PIAS1: variants seen among roughly 807,000 people sequenced by gnomAD.
PIAS1 encodes the protein E3 SUMO-protein ligase PIAS1.
Under a neutral mutation model 71.3 loss-of-function variants are expected in PIAS1, and 6 were observed. The ratio of observed to expected loss-of-function variants is 0.08; its 90% CI spans 0.05 to 0.17. The LOEUF (loss-of-function observed/expected upper bound fraction) is 0.17. PIAS1 is among the 10% of genes least tolerant of loss of function. PIAS1 has a pLI of 1.00. For missense variants in PIAS1, 555 were observed against 793.6 expected, an observed-to-expected ratio of 0.70 and a Z score of 3.61; for synonymous variants, 303 against 292.9, an observed-to-expected ratio of 1.03 and a Z score of -0.35.
rs1297553181 is a variant in PIAS1 at position 68,153,714 on chromosome 15, T to C, written c.934+19T>C. Reference sequence around the variant, plus strand: ...GCTTTAAGTACGTATGATAAACTTATTTCACTTATTCAGCTATTTTGTTAA... The same window carrying C: ...GCTTTAAGTACGTATGATAAACTTACTTCACTTATTCAGCTATTTTGTTAA... On this transcript the variant is annotated intron_variant, in intron 7 of 13. Transcript: ENST00000249636. The C allele has an allele frequency of 3.4e-6, 4 of 1,181,688 alleles. No homozygotes were observed. Among genetic ancestry groups the C allele is most frequent in the South Asian group, 1.3e-5 (1 of 79,974 alleles). The allele number at this position is 1,181,688 out of a possible 1,614,324, so 73.2% of individuals were successfully genotyped here. A position where few individuals can be genotyped will look rare whatever the true frequency, so the allele number is the denominator to read the frequency against.
rs185065654 is a variant in PIAS1, at chr15:68,116,935, G to A, written c.470-25011G>A. On this transcript the variant is annotated intron_variant, in intron 2 of 13. Coordinates refer to ENST00000249636, the MANE Select transcript of PIAS1 (RefSeq NM_016166.3). The stretch of plus-strand genomic sequence containing the variant: ...CATAAAAATTGTACATATTTATGGC[G>A]TACAATGTGATGTTTCAGTACATGT... 8.5e-5 allele frequency among the ~76,000 whole-genome samples: 13 copies of A among 152,164 alleles called. No individual in the cohort carries two copies. The East Asian group carries it at 9.6e-4, about 11-fold the overall frequency.
intron 4 of PIAS1, among the ~76,000 whole-genome samples, chr15:68,142,782 G>C (rs1381811876): frequency 6.6e-6 from 1 of 152,036 alleles, no homozygotes; most frequent in African/African-American, 2.4e-5. Flanking sequence ...CTCCATAAGA[G>C]GCAAAGTACT....
Position 68,054,402 on chromosome 15 carries a change from G to A in PIAS1, c.24+52G>A. 1.3e-6 allele frequency: 2 copies of A among 1,540,426 alleles called. No homozygotes were observed. Among genetic ancestry groups the A allele is most frequent in the South Asian group, 2.4e-5 (2 of 83,750 alleles). Reference sequence around the variant, plus strand: ...AATATTCGGCCGCGGAGACGGCGCCGCTGCTGCCAGGGGGGATGGGTCCGA... The same window carrying A: ...AATATTCGGCCGCGGAGACGGCGCCACTGCTGCCAGGGGGGATGGGTCCGA... On this transcript the variant is annotated intron_variant, in intron 1 of 13. Transcript: ENST00000249636. The surrounding 1 kb of genome is among the most constrained non-coding windows in gnomAD (Gnocchi z 4.6).
At chr15:68,062,477 T>A (rs2091970411) in intron 1 of PIAS1, among the ~76,000 whole-genome samples, 1 of 152,202 alleles carries the variant, frequency 6.6e-6, no homozygotes, top group Non-Finnish European at 1.5e-5. Context: ...TCTAGAATAT[T>A]TTTTCACCTC....
intron 2 of PIAS1, among the ~76,000 whole-genome samples, chr15:68,096,682 A>C (rs1350089068): frequency 1.3e-5 from 2 of 152,086 alleles, no homozygotes; most frequent in East Asian, 3.9e-4. Context: ...GATGCTACTG[A>C]AAATTGAATT....
In PIAS1 at chr15:68,168,170, G is replaced by A. The variant is rs1394502100; in HGVS notation, c.1008+3366G>A. 3.3e-5 allele frequency among the ~76,000 whole-genome samples: 5 copies of A among 151,682 alleles called. No homozygotes were observed. In the East Asian group the frequency reaches 5.8e-4, roughly 18 times the overall value. On this transcript the variant is annotated intron_variant, in intron 8 of 13. Coordinates refer to ENST00000249636, the MANE Select transcript of PIAS1 (RefSeq NM_016166.3). Reference sequence around the variant, plus strand: ...ATTACAGGCGCCTGTCACCACGCCCGGCTAATTTTTGTATTTTCAGTGGAG... The same window carrying A: ...ATTACAGGCGCCTGTCACCACGCCCAGCTAATTTTTGTATTTTCAGTGGAG...
chr15:68,071,892 G>A (rs1343270538), intron 1 of PIAS1, among the ~76,000 whole-genome samples: 1 of 151,948 alleles, frequency 6.6e-6, no homozygotes, highest in Admixed American at 6.6e-5. Context: ...AGGCTGCAGT[G>A]AGCCATGATC....
chr15:68,127,928 A>G (rs960080522), intron 2 of PIAS1, among the ~76,000 whole-genome samples: 2 of 151,818 alleles, frequency 1.3e-5, no homozygotes, highest in Non-Finnish European at 2.9e-5. Context: ...ACGCCCAGCT[A>G]ATTATTTTGT....
intron 1 of PIAS1, among the ~76,000 whole-genome samples, chr15:68,064,300 T>C (rs770452322): frequency 2.6e-5 from 4 of 152,240 alleles, no homozygotes; most frequent in Non-Finnish European, 5.9e-5. Context: ...TTGGAAGACA[T>C]GTATTTGCCA....
intron 6 of PIAS1, among the ~76,000 whole-genome samples, chr15:68,151,961 G>GT (rs2092849865): frequency 9.1e-4 from 5 of 5,512 alleles, no homozygotes; most frequent in South Asian, 3.8e-3. Context: ...TTTTTTTTTT[G>GT]GGGGGGGAGA....
chr15:68,123,997 C>CAT (rs397703982), intron 2 of PIAS1, among the ~76,000 whole-genome samples: 2 of 151,578 alleles, frequency 1.3e-5, no homozygotes, highest in African/African-American at 2.4e-5. Context: ...CACACACACA[C>CAT]GTATACATAT....
At chr15:68,161,880 A>G (rs1161036360) in intron 7 of PIAS1, among the ~76,000 whole-genome samples, 2 of 5,820 alleles carry the variant, frequency 3.4e-4, no homozygotes, top group Non-Finnish European at 6.5e-4. Flanking sequence ...CAGTCAACCA[A>G]GATCTCACCA....
chr15:68,110,149 A>G (rs2141008598), intron 2 of PIAS1, among the ~76,000 whole-genome samples: 1 of 152,296 alleles, frequency 6.6e-6, no homozygotes, highest in East Asian at 1.9e-4. Context: ...AAATATTGGT[A>G]TGTCCGCTAA....
intron 2 of PIAS1, among the ~76,000 whole-genome samples, chr15:68,103,789 CT>C (rs1370007921): frequency 2.0e-5 from 3 of 152,128 alleles, no homozygotes; most frequent in Non-Finnish European, 4.4e-5. Flanking sequence ...AAACTTTGTT[CT>C]TTTTAATGGC....
intron 2 of PIAS1, among the ~76,000 whole-genome samples, chr15:68,118,771 A>G (rs192970796): frequency 7.9e-4 from 121 of 152,312 alleles, no homozygotes; most frequent in African/African-American, 2.8e-3. Context: ...AGCCGTATGT[A>G]TGTCTTCTTT....
chr15:68,135,279 C>T (rs1347114852), intron 2 of PIAS1, among the ~76,000 whole-genome samples: 1 of 26,822 alleles, frequency 3.7e-5, no homozygotes, highest in Non-Finnish European at 1.6e-4. Context: ...GGCGGCTGGC[C>T]GGGCAGAGAG....
chr15:68,057,835 G>A (rs1023245165), intron 1 of PIAS1, among the ~76,000 whole-genome samples: 1 of 152,126 alleles, frequency 6.6e-6, no homozygotes, highest in Non-Finnish European at 1.5e-5. Flanking sequence ...AAAATACTAC[G>A]TATAGTTTCT....
At chr15:68,117,185 T>A (rs2092572529) in intron 2 of PIAS1, among the ~76,000 whole-genome samples, 2 of 152,164 alleles carry the variant, frequency 1.3e-5, no homozygotes, top group Admixed American at 6.5e-5. Context: ...CCTCCCGGGT[T>A]CAAGTATTTC....
At chr15:68,071,771 G>A (rs1238376642) in intron 1 of PIAS1, among the ~76,000 whole-genome samples, 1 of 150,276 alleles carries the variant, frequency 6.7e-6, no homozygotes, top group East Asian at 2.1e-4. Context: ...TTTGAGACCA[G>A]CCTGGCCAAC....
Sources: gnomAD v4.1 joint callset for allele counts (sites outside exome capture counted in the v4.1 genomes callset) on GRCh38, gnomAD v4.1.1 for gene constraint, Gnocchi (gnomAD v3.1) non-coding constraint, MANE v1.5 for transcripts, NCBI Gene and HGNC (gene_info 2026-07-23, HGNC 2026-07-21) for gene names.